Variants in MIA2 observed in about 807,000 individuals in gnomAD.
The protein encoded by MIA2 is MIA SH3 domain ER export factor 2, also known as melanoma inhibitory activity protein 2.
Under a neutral mutation model 167.8 loss-of-function variants are expected in MIA2, and 127 were observed. The observed-to-expected ratio is 0.76, with a 90% CI of 0.66 to 0.88. MIA2 has a LOEUF of 0.88. Among genes scored for constraint, MIA2 ranks in the 40% least tolerant of loss-of-function variants. MIA2 has a pLI of 0.00. For synonymous variants in MIA2, 552 were observed against 541.9 expected (o/e 1.02, Z -0.26); for missense variants, 1,690 against 1,624.7 (o/e 1.04, Z -0.69).
At chr14:39,293,855 C>A in intron 11 of MIA2, 145 bp from the exon 12 acceptor site, 2 of 631,268 alleles carry the variant, frequency 3.2e-6, no homozygotes, top group South Asian at 1.8e-5. Context: ...TCCCTTTTAG[C>A]ATATGGCTAA....
chr14:39,353,720 T>C (rs12435910), downstream of MIA2, among the ~76,000 whole-genome samples: 68,022 of 151,972 alleles, frequency 0.45, 16,384 homozygotes, highest in African/African-American at 0.63. Context: ...CCCTCTCCCC[T>C]GACCCTATAA....
intron 9 of MIA2, among the ~76,000 whole-genome samples, chr14:39,281,682 C>T (rs1169434541): frequency 1.3e-5 from 2 of 148,234 alleles, no homozygotes; most frequent in Non-Finnish European, 1.5e-5. Context: ...AGTGCAGTAG[C>T]GCGACCTCGG....
At chr14:39,266,583 C>T (rs1243539076) in intron 6 of MIA2, 5 of 985,384 alleles carry the variant, frequency 5.1e-6, no homozygotes, top group Non-Finnish European at 4.8e-6. Flanking sequence ...AAACTCTGAC[C>T]AAACCACAGC....
At chr14:39,357,037 G>T (rs539709032) in intron 23 of MIA2, among the ~76,000 whole-genome samples, 11 of 152,160 alleles carry the variant, frequency 7.2e-5, no homozygotes, top group Admixed American at 2.0e-4. Context: ...TGTTGAATTC[G>T]GGTGGAGAGT....
chr14:39,266,047 C>T, intron 6 of MIA2: 1 of 985,330 alleles, frequency 1.0e-6, no homozygotes, highest in African/African-American at 1.7e-5. Flanking sequence ...TGAACTTGGG[C>T]CAGTTTTTGA....
intron 23 of MIA2, among the ~76,000 whole-genome samples, chr14:39,364,098 G>A (rs913305920): frequency 2.0e-5 from 3 of 152,138 alleles, no homozygotes; most frequent in African/African-American, 7.2e-5. Context: ...GGTGGCTTAT[G>A]CCTGTAATCC....
In MIA2 at chr14:39,282,058, C is replaced by CT. The variant is rs1292030199; in HGVS notation, c.2130+2523dup. ...TCTATTTCTGGTGCTCATTTTTTCT[C>CT]TTGTTTCTCAGTCAAGTCTTGTCCG... On this transcript the variant is annotated intron_variant, in intron 9 of 28. Transcript: ENST00000640607. Among the ~76,000 whole-genome samples the CT allele has an allele frequency of 3.9e-5, 6 of 152,078 alleles. No homozygotes were observed. In the South Asian group the frequency reaches 1.2e-3, roughly 32 times the overall value.
intron 25 of MIA2, among the ~76,000 whole-genome samples, chr14:39,341,402 TTAA>T (rs746076705): frequency 3.3e-5 from 5 of 152,232 alleles, no homozygotes; most frequent in African/African-American, 1.2e-4. Context: ...GAAGGGGAAA[TTAA>T]TGATGTTTGG....
chr14:39,317,175 T>C (rs965339614), intron 21 of MIA2, among the ~76,000 whole-genome samples: 2 of 152,088 alleles, frequency 1.3e-5, no homozygotes, highest in Non-Finnish European at 2.9e-5. Flanking sequence ...AACCACAGGC[T>C]AAAGAATTAC....
At chr14:39,297,651 C>A (rs2061604702) in intron 13 of MIA2, among the ~76,000 whole-genome samples, 1 of 119,856 alleles carries the variant, frequency 8.3e-6, no homozygotes, top group Non-Finnish European at 1.8e-5. Context: ...CAAAGAATGA[C>A]CCTGTAGGGT....
At chr14:39,276,871 G>GTTTGTAATCAATATT (rs2058075475) in intron 6 of MIA2, 63 bp from the exon 7 acceptor site, 2 of 1,575,786 alleles carry the variant, frequency 1.3e-6, no homozygotes, top group Admixed American at 3.7e-5. Context: ...TTGTACCTAT[G>GTTTGTAATCAATATT]TTTGTAATCA....
In MIA2 at chr14:39,303,542, C is replaced by A. The variant is rs1388339460; in HGVS notation, c.2787+18C>A. The A allele has an allele frequency of 6.3e-7, 1 of 1,587,784 alleles. No individual in the cohort carries two copies. The highest frequency in any genetic ancestry group is 8.6e-7 in the Non-Finnish European group (1 of 1,160,286). ...CTGCTAAGGTTTGTGCTATTAGATA[C>A]TTAAAAAGAATAAGGAGGAAGAAAG... On this transcript the variant is annotated intron_variant, in intron 16 of 28. Transcript: ENST00000640607.
intron 23 of MIA2, 69 bp from the exon 24 acceptor site, chr14:39,320,859 T>C: frequency 6.6e-7 from 1 of 1,526,574 alleles, no homozygotes; most frequent in Non-Finnish European, 8.9e-7. Flanking sequence ...ATTGTCGAAA[T>C]GGGATTCTAA....
At chr14:39,360,425 G>T (rs1036100971) in intron 23 of MIA2, among the ~76,000 whole-genome samples, 10 of 151,850 alleles carry the variant, frequency 6.6e-5, no homozygotes, top group African/African-American at 2.4e-4. Flanking sequence ...TTGAGAATTT[G>T]AATTCATGTC....
In MIA2 at chr14:39,269,396, A is replaced by G. The variant is rs1224229000; in HGVS notation, c.1888-7538A>G. 2.0e-5 allele frequency among the ~76,000 whole-genome samples: 3 copies of G among 151,766 alleles called. No homozygotes were observed. The East Asian group carries it at 5.8e-4, about 29-fold the overall frequency. Reference sequence around the variant, plus strand: ...TAATCTATTTTCTGTCTCTATGAACATGTCTATTCTGCATGTGTCATGTAG... The same window carrying G: ...TAATCTATTTTCTGTCTCTATGAACGTGTCTATTCTGCATGTGTCATGTAG... On this transcript the variant is annotated intron_variant, in intron 6 of 28. Transcript: ENST00000640607.
intron 2 of MIA2, among the ~76,000 whole-genome samples, chr14:39,239,690 C>G (rs565922323): frequency 6.6e-6 from 1 of 152,132 alleles, no homozygotes; most frequent in Non-Finnish European, 1.5e-5. Flanking sequence ...ATTTACTATA[C>G]GTGAAAATAA....
rs753014647 is a variant in MIA2 at position 39,348,981 on chromosome 14, T to C, written c.4072+4T>C. ...CCACCACCTGCTCCATTTGCAAGTATGCTTTTTTAAACTTTTTTTTTAAAG... is the reference window on the plus strand; with the variant it reads ...CCACCACCTGCTCCATTTGCAAGTACGCTTTTTTAAACTTTTTTTTTAAAG... On this transcript the variant is annotated splice_donor_region_variant and intron_variant, in intron 28 of 28. Transcript: ENST00000640607. 3.7e-6 allele frequency: 6 copies of C among 1,611,716 alleles called. No homozygotes were observed. Among genetic ancestry groups the C allele is most frequent in the African/African-American group, 1.3e-5 (1 of 74,920 alleles).
At position 39,319,302 on chromosome 14, in the gene MIA2, T is replaced by G. The variant is rs2065998612; in HGVS notation, c.3367+11T>G. On this transcript the variant is annotated intron_variant, in intron 23 of 28. Coordinates refer to ENST00000640607, the MANE Select transcript of MIA2 (RefSeq NM_001329214.4). Reference sequence around the variant, plus strand: ...CAGCATTTGGCAGAGGTAGTCTTTTTTTTTTTACCCCTCATTTAAAATACA... The same window carrying G: ...CAGCATTTGGCAGAGGTAGTCTTTTGTTTTTTACCCCTCATTTAAAATACA... 3 of 1,469,248 alleles carry G rather than the reference T, an allele frequency of 2.0e-6. No homozygotes were observed. Among genetic ancestry groups the G allele is most frequent in the Non-Finnish European group, 2.7e-6 (3 of 1,097,298 alleles). The allele number at this position is 1,469,248 out of a possible 1,614,324, so 91.0% of individuals were successfully genotyped here. A position where few individuals can be genotyped will look rare whatever the true frequency, so the allele number is the denominator to read the frequency against.
chr14:39,267,450 C>T (rs2056056413), intron 6 of MIA2: 2 of 1,612,356 alleles, frequency 1.2e-6, no homozygotes, highest in Non-Finnish European at 1.7e-6. Flanking sequence ...ACGAGAGCAG[C>T]TTTGGCGCTA....
Sources: gnomAD v4.1 joint callset for allele counts (sites outside exome capture counted in the v4.1 genomes callset) on GRCh38, gnomAD v4.1.1 for gene constraint, MANE v1.5 for transcripts, NCBI Gene and HGNC (gene_info 2026-07-23, HGNC 2026-07-21) for gene names.